Variants in GTF2F2 observed in about 807,000 individuals in gnomAD.
GTF2F2 encodes ATP-dependent helicase GTF2F2.
Under a neutral mutation model 42.2 loss-of-function variants are expected in GTF2F2, and 23 were observed. The ratio of observed to expected loss-of-function variants is 0.55; its 90% CI spans 0.39 to 0.77. GTF2F2 has a LOEUF of 0.77. Ranked by LOEUF, GTF2F2 falls within the 30% of genes least tolerant of loss-of-function variation. The pLI is 0.00. For synonymous variants in GTF2F2, 105 were observed against 100.8 expected (o/e 1.04, Z -0.25); for missense variants, 261 against 287.2 (o/e 0.91, Z 0.66).
intron 2 of GTF2F2, among the ~76,000 whole-genome samples, chr13:45,138,104 G>T (rs1357742631): frequency 6.6e-6 from 1 of 151,928 alleles, no homozygotes; most frequent in Admixed American, 6.6e-5. Context: ...CTTTACTCTA[G>T]GACACATCTC....
chr13:45,211,790 T>G lies in GTF2F2; in HGVS notation c.386+4285T>G, dbSNP rs374499116. ...TTAGGAGAGACGGGTTTCTCCATGT[T>G]GGTCAGGTTGGTCTTGAACTCCTGA... On this transcript the variant is annotated intron_variant, in intron 5 of 7. Transcript: ENST00000340473. 6.9e-4 allele frequency among the ~76,000 whole-genome samples: 105 copies of G among 152,130 alleles called. 1 individual carries two copies. In the East Asian group the frequency reaches 0.015, roughly 22 times the overall value.
At chr13:45,141,549 A>G (rs1869927415) in intron 2 of GTF2F2, among the ~76,000 whole-genome samples, 1 of 152,074 alleles carries the variant, frequency 6.6e-6, no homozygotes, top group Admixed American at 6.6e-5. Context: ...GTGTAGGGGT[A>G]GGGGTGAAGA....
At chr13:45,123,704 TATA>T (rs1393354603) in intron 1 of GTF2F2, among the ~76,000 whole-genome samples, 1 of 149,364 alleles carries the variant, frequency 6.7e-6, no homozygotes, top group Non-Finnish European at 1.5e-5. Flanking sequence ...GAAAAACAAA[TATA>T]GTAGTAGATT....
intron 7 of GTF2F2, among the ~76,000 whole-genome samples, chr13:45,278,671 C>A (rs1268070524): frequency 6.6e-6 from 1 of 151,904 alleles, no homozygotes; most frequent in Non-Finnish European, 1.5e-5. Flanking sequence ...CTGTTCAAAT[C>A]GAATGATCAA....
intron 7 of GTF2F2, among the ~76,000 whole-genome samples, chr13:45,278,241 T>C (rs533054045): frequency 8.5e-5 from 13 of 152,290 alleles, no homozygotes; most frequent in Non-Finnish European, 1.5e-4. Flanking sequence ...AGGATGTTGA[T>C]CCATGGACTT....
At chr13:45,198,558 T>C (rs757469784) in intron 4 of GTF2F2, among the ~76,000 whole-genome samples, 1 of 152,212 alleles carries the variant, frequency 6.6e-6, no homozygotes, top group Non-Finnish European at 1.5e-5. Flanking sequence ...ATCTTGGTTG[T>C]TGTCAGCTGC....
chr13:45,245,012 A>G (rs1031349327), intron 5 of GTF2F2, among the ~76,000 whole-genome samples: 4 of 152,216 alleles, frequency 2.6e-5, no homozygotes, highest in African/African-American at 9.6e-5. Context: ...AGCTTTCTAC[A>G]TCAGATGTTT....
At chr13:45,204,272 A>T (rs992804458) in intron 4 of GTF2F2, among the ~76,000 whole-genome samples, 1 of 152,226 alleles carries the variant, frequency 6.6e-6, no homozygotes, top group Non-Finnish European at 1.5e-5. Context: ...TAACTAATAC[A>T]TGCCACAGAA....
At chr13:45,248,008 C>G (rs1875716794) in intron 5 of GTF2F2, among the ~76,000 whole-genome samples, 1 of 152,058 alleles carries the variant, frequency 6.6e-6, no homozygotes, top group South Asian at 2.1e-4. Flanking sequence ...CCACACCTGG[C>G]TAATTTTTGT....
intron 5 of GTF2F2, among the ~76,000 whole-genome samples, chr13:45,229,648 G>A (rs941724292): frequency 3.3e-5 from 5 of 152,174 alleles, no homozygotes; most frequent in Non-Finnish European, 7.3e-5. Flanking sequence ...AGGTAGGAAA[G>A]ATGGTGAAGG....
At chr13:45,168,779 GCTTCCTTCCTTCCTTCCTTCCTTC>G (rs368098791) in intron 4 of GTF2F2, among the ~76,000 whole-genome samples, 2 of 125,532 alleles carry the variant, frequency 1.6e-5, no homozygotes, top group Admixed American at 8.1e-5. Flanking sequence ...CACCTGGCTG[GCTTCCTTCCTTCCTTCCTTCCTTC>G]CTTCCTTCCT....
intron 4 of GTF2F2, among the ~76,000 whole-genome samples, chr13:45,162,328 A>G (rs922195357): frequency 6.6e-6 from 1 of 152,196 alleles, no homozygotes; most frequent in Non-Finnish European, 1.5e-5. Flanking sequence ...TAAAGGCCCT[A>G]TGGAAGGAGT....
At chr13:45,123,904 AGG>A (rs1593440387) in intron 1 of GTF2F2, 1 of 323,712 alleles carries the variant, frequency 3.1e-6, no homozygotes, top group East Asian at 5.0e-5. Flanking sequence ...AGCTGTGAGG[AGG>A]GGAGAGTCTT....
At chr13:45,132,845 C>T (rs906205372) in intron 1 of GTF2F2, among the ~76,000 whole-genome samples, 13 of 150,212 alleles carry the variant, frequency 8.7e-5, no homozygotes, top group East Asian at 2.0e-4. Flanking sequence ...GTTCTAGGTT[C>T]GAGAAGTGAA....
chr13:45,172,893 A>C (rs1871668021), intron 4 of GTF2F2, among the ~76,000 whole-genome samples: 1 of 149,402 alleles, frequency 6.7e-6, no homozygotes, highest in Non-Finnish European at 1.5e-5. Flanking sequence ...CCAACCCTCC[A>C]CCTTTCTTTT....
At chr13:45,279,189 CTGAG>C (rs1358953679) in intron 7 of GTF2F2, among the ~76,000 whole-genome samples, 1 of 152,150 alleles carries the variant, frequency 6.6e-6, no homozygotes, top group Non-Finnish European at 1.5e-5. Context: ...GAGAGGAAGA[CTGAG>C]TGTCTACCAT....
At chr13:45,226,839 A>G (rs1319175656) in intron 5 of GTF2F2, among the ~76,000 whole-genome samples, 2 of 152,140 alleles carry the variant, frequency 1.3e-5, no homozygotes, top group African/African-American at 4.8e-5. Flanking sequence ...TTTTCTGGTA[A>G]GGGTTGTGTA....
At chr13:45,214,603 T>G (rs1401657892) in intron 5 of GTF2F2, among the ~76,000 whole-genome samples, 2 of 152,188 alleles carry the variant, frequency 1.3e-5, no homozygotes, top group East Asian at 3.8e-4. Context: ...CTGACATTAG[T>G]TTGGATTAAT....
At chr13:45,282,246 C>T (rs1877298075) in intron 7 of GTF2F2, among the ~76,000 whole-genome samples, 1 of 151,842 alleles carries the variant, frequency 6.6e-6, no homozygotes, top group African/African-American at 2.4e-5. Context: ...TTCCTTTCTT[C>T]TCCAAGAAGG....
Sources: allele counts gnomAD v4.1 joint callset (sites outside exome capture counted in the v4.1 genomes callset), GRCh38; gene constraint gnomAD v4.1.1; transcripts MANE v1.5; gene names NCBI Gene and HGNC (gene_info 2026-07-23, HGNC 2026-07-21).